Variants in C7 observed in about 807,000 individuals in gnomAD.
The protein encoded by C7 is complement C7.
C7 carries 83 observed loss-of-function variants against 104.8 expected under a neutral mutation model. That is an observed-to-expected ratio of 0.79 (90% CI 0.66 to 0.95). The LOEUF (loss-of-function observed/expected upper bound fraction) is 0.95. Among genes scored for constraint, C7 ranks in the 40% least tolerant of loss-of-function variants. The probability of loss-of-function intolerance (pLI) is 0.00; values close to 1 mark genes in which losing one functional copy is unlikely to be tolerated. For missense variants in C7, 1,070 were observed against 1,011.2 expected, an observed-to-expected ratio of 1.06 and a Z score of -0.79; for synonymous variants, 415 against 360.6, an observed-to-expected ratio of 1.15 and a Z score of -1.71.
chr5:40,954,801 T>C (rs1456828143), intron 9 of C7: 1 of 166,228 alleles, frequency 6.0e-6, no homozygotes, highest in Non-Finnish European at 1.2e-5. Flanking sequence ...TGAGAATTGC[T>C]TGAACCTGGG....
Position 40,951,202 on chromosome 5 carries a change from C to A in C7, c.1093+1188C>A, listed in dbSNP as rs987049740. Among the ~76,000 whole-genome samples, 3 of 152,166 alleles carry A rather than the reference C, an allele frequency of 2.0e-5. No individual in the cohort carries two copies. The East Asian group carries it at 5.8e-4, about 29-fold the overall frequency. On this transcript the variant is annotated intron_variant, in intron 9 of 17. Coordinates refer to ENST00000313164, the MANE Select transcript of C7 (RefSeq NM_000587.4). ...AGAAGTGTCCGTTCATGTCTTTTGT[C>A]CATTTTTAATGGGGTTATTTATTTT...
intron 10 of C7, among the ~76,000 whole-genome samples, 169 bp downstream of exon 10, chr5:40,955,722 CAGA>C (rs1740278892): frequency 6.6e-6 from 1 of 152,146 alleles, no homozygotes; most frequent in African/African-American, 2.4e-5. Flanking sequence ...TAATAAGAAA[CAGA>C]AGGTGTGTTA....
intron 16 of C7, among the ~76,000 whole-genome samples, chr5:40,979,144 C>A (rs1282478949): frequency 6.6e-6 from 1 of 151,970 alleles, no homozygotes; most frequent in African/African-American, 2.4e-5. Flanking sequence ...CCTCCCAAAG[C>A]ACTGGGATTA....
rs777202847 is a variant in C7 at position 40,959,535 on chromosome 5, C to G, written c.1576C>G (p.Pro526Ala). Residue 526 changes from proline (P) to alanine (A), a missense_variant, in exon 12 of 18, where the codon CCA (proline) becomes GCA (alanine). Coordinates refer to ENST00000313164, the MANE Select transcript of C7 (RefSeq NM_000587.4). Reference sequence around the variant, plus strand: ...AACAAGAAGCCGTGAATGCAATAACCCACCTCCCAGTGGGGGTGGGAGATC... The same window carrying G: ...AACAAGAAGCCGTGAATGCAATAACGCACCTCCCAGTGGGGGTGGGAGATC... ...KKTRSRECNN[P>A]PPSGGGRSCV... is the part of the protein sequence containing the mutation. The G allele has an allele frequency of 6.2e-7, 1 of 1,611,494 alleles. No individual in the cohort carries two copies. The highest frequency in any genetic ancestry group is 1.7e-5 in the Admixed American group (1 of 59,846).
At chr5:40,911,716 A>G (rs1290821188) in intron 1 of C7, among the ~76,000 whole-genome samples, 2 of 151,874 alleles carry the variant, frequency 1.3e-5, no homozygotes, top group Non-Finnish European at 2.9e-5. Context: ...CAGAACAAAA[A>G]TACCACACAC....
At chr5:40,966,539 C>A (rs553000106) in intron 14 of C7, among the ~76,000 whole-genome samples, 1 of 151,858 alleles carries the variant, frequency 6.6e-6, no homozygotes, top group Non-Finnish European at 1.5e-5. Context: ...CCACCATGAC[C>A]GGCTAATTTT....
At chr5:40,929,254 T>C (rs1646703388) in intron 2 of C7, among the ~76,000 whole-genome samples, 1 of 152,088 alleles carries the variant, frequency 6.6e-6, no homozygotes, top group Non-Finnish European at 1.5e-5. Flanking sequence ...AATATGAATG[T>C]GTTAAGGGCT....
chr5:40,970,327 AT>A (rs543178324), intron 14 of C7, among the ~76,000 whole-genome samples: 9 of 150,682 alleles, frequency 6.0e-5, no homozygotes, highest in African/African-American at 1.2e-4. Context: ...TATTAGCAAG[AT>A]TTTTTTTTTA....
intron 7 of C7, among the ~76,000 whole-genome samples, chr5:40,945,873 TAC>T (rs1403457440): frequency 4.3e-5 from 2 of 46,834 alleles, no homozygotes; most frequent in Admixed American, 2.9e-4. Flanking sequence ...CAAAAAAAAA[TAC>T]ATATATATAT....
intron 6 of C7, among the ~76,000 whole-genome samples, chr5:40,943,031 G>T (rs2111616644): frequency 1.3e-5 from 2 of 152,306 alleles, no homozygotes; most frequent in South Asian, 4.1e-4. Flanking sequence ...CAAAGTGCTG[G>T]GATTACAGGC....
chr5:40,955,344 A>G (rs1218185915), intron 9 of C7, 43 bp from the exon 10 acceptor site: 2 of 1,542,622 alleles, frequency 1.3e-6, no homozygotes, highest in Non-Finnish European at 1.7e-6. Flanking sequence ...TTTTTTAAAT[A>G]CTTGATAGAC....
chr5:40,972,280 G>A (rs1011323061), intron 14 of C7, 123 bp from the exon 15 acceptor site: 55 of 767,234 alleles, frequency 7.2e-5, no homozygotes, highest in South Asian at 1.2e-4. Flanking sequence ...GTGAACTTAC[G>A]TCTTCCTCCT....
intron 3 of C7, among the ~76,000 whole-genome samples, chr5:40,932,214 G>A (rs1331520867): frequency 6.6e-6 from 1 of 151,946 alleles, no homozygotes; most frequent in Admixed American, 6.6e-5. Context: ...TATACTATCA[G>A]CAAAATAATT....
At chr5:40,923,706 A>G (rs1739490139) in intron 1 of C7, among the ~76,000 whole-genome samples, 2 of 151,734 alleles carry the variant, frequency 1.3e-5, no homozygotes, top group Non-Finnish European at 2.9e-5. Context: ...AGATTGTGCC[A>G]TTGCACTCCA....
chr5:40,957,161 G>A (rs1413110892), intron 10 of C7, among the ~76,000 whole-genome samples: 1 of 152,294 alleles, frequency 6.6e-6, no homozygotes, highest in East Asian at 1.9e-4. Flanking sequence ...AATTGGCTAT[G>A]GTGAGAGCAG....
At chr5:40,976,545 C>A in intron 15 of C7, 3 of 376,370 alleles carry the variant, frequency 8.0e-6, no homozygotes, top group South Asian at 1.5e-4. Flanking sequence ...CTATTACTAC[C>A]AATGCAGTTA....
At chr5:40,919,198 A>G (rs1171128628) in intron 1 of C7, among the ~76,000 whole-genome samples, 1 of 150,404 alleles carries the variant, frequency 6.6e-6, no homozygotes, top group Non-Finnish European at 1.5e-5. Flanking sequence ...ATCTCAGCTC[A>G]CTACAACCTC....
At chr5:40,913,412 TC>T (rs1437501567) in intron 1 of C7, among the ~76,000 whole-genome samples, 1 of 152,132 alleles carries the variant, frequency 6.6e-6, no homozygotes, top group African/African-American at 2.4e-5. Context: ...TAATTTACAT[TC>T]CCACCAATAG....
chr5:40,935,408 A>T (rs189671709), intron 4 of C7, among the ~76,000 whole-genome samples: 1 of 152,332 alleles, frequency 6.6e-6, no homozygotes, highest in Admixed American at 6.5e-5. Flanking sequence ...ATTGAGTGGC[A>T]GTATAGCAGG....
Sources: allele counts gnomAD v4.1 joint callset (sites outside exome capture counted in the v4.1 genomes callset), GRCh38; gene constraint gnomAD v4.1.1; transcripts MANE v1.5; gene names NCBI Gene and HGNC (gene_info 2026-07-23, HGNC 2026-07-21).